TMEM178B: variants seen among roughly 807,000 people sequenced by gnomAD.
TMEM178B encodes transmembrane protein 178B.
A neutral mutation model predicts 31.0 loss-of-function variants in TMEM178B; 5 were observed. That is an observed-to-expected ratio of 0.16 (90% CI 0.08 to 0.34). The LOEUF (loss-of-function observed/expected upper bound fraction) is 0.34. Ranked by LOEUF, TMEM178B falls within the 10% of genes least tolerant of loss-of-function variation. The pLI, the probability that TMEM178B is intolerant of heterozygous loss-of-function variation, is 1.00. For missense variants in TMEM178B, 275 were observed against 400.3 expected (o/e 0.69, Z 2.67); for synonymous variants, 164 against 164.0 (o/e 1.00, Z 0.00).
intron 2 of TMEM178B, 45 bp downstream of exon 2, chr7:141,212,749 C>A: frequency 6.9e-7 from 1 of 1,457,270 alleles, no homozygotes; most frequent in South Asian, 1.2e-5. Flanking sequence ...GCTGTGAGGT[C>A]CCCTTTGGAG....
chr7:141,211,348 A>T (rs935727971), intron 1 of TMEM178B, among the ~76,000 whole-genome samples: 1 of 152,228 alleles, frequency 6.6e-6, no homozygotes, highest in Non-Finnish European at 1.5e-5. Flanking sequence ...AGTTGTCCAG[A>T]TATGATTTAC....
intron 1 of TMEM178B, among the ~76,000 whole-genome samples, chr7:141,194,000 G>A (rs1003239346): frequency 2.0e-5 from 3 of 152,262 alleles, no homozygotes; most frequent in African/African-American, 4.8e-5. Flanking sequence ...ATCAGATCTC[G>A]TGAGACATAT....
chr7:141,140,730 G>A (rs1795755410), intron 1 of TMEM178B, among the ~76,000 whole-genome samples: 1 of 152,154 alleles, frequency 6.6e-6, no homozygotes, highest in South Asian at 2.1e-4. Flanking sequence ...AGGAGTACTG[G>A]TCAGGGATAT....
chr7:141,104,799 T>G (rs776694471), intron 1 of TMEM178B, among the ~76,000 whole-genome samples: 6 of 152,160 alleles, frequency 3.9e-5, no homozygotes, highest in Admixed American at 1.3e-4. Flanking sequence ...GTGGTCTTCA[T>G]CTCCTCTTAT....
rs568915994 is a variant in TMEM178B at position 141,314,052 on chromosome 7, G to A, written c.496+101348G>A. Among the ~76,000 whole-genome samples the A allele has an allele frequency of 4.6e-5, 7 of 152,302 alleles. No individual in the cohort carries two copies. In the South Asian group the frequency reaches 6.2e-4, roughly 14 times the overall value. On this transcript the variant is annotated intron_variant, in intron 2 of 3. Transcript: ENST00000565468. ...ACTTTTGGCTGCCTGTGGCGCAGCC[G>A]TTTCAGCCTCTGCCTCGGCTGAGTA... is the stretch of plus-strand genomic sequence containing the variant.
At chr7:141,392,522 A>T (rs964501638) in intron 2 of TMEM178B, among the ~76,000 whole-genome samples, 2 of 152,160 alleles carry the variant, frequency 1.3e-5, no homozygotes, top group Non-Finnish European at 2.9e-5. Flanking sequence ...CCCTGCATAC[A>T]TCAGCATACC....
chr7:141,210,336 T>C (rs1797034084), intron 1 of TMEM178B, among the ~76,000 whole-genome samples: 1 of 152,102 alleles, frequency 6.6e-6, no homozygotes, highest in South Asian at 2.1e-4. Flanking sequence ...TGGTGGCACA[T>C]GCTTGTAATC....
At chr7:141,494,847 T>G in the TMEM178B span, among the ~76,000 whole-genome samples, 1 of 152,198 alleles carries the variant, frequency 6.6e-6, no homozygotes. Context: ...GCTGAGATAG[T>G]TATGGGTTAA....
At chr7:141,167,712 C>G (rs1796284877) in intron 1 of TMEM178B, among the ~76,000 whole-genome samples, 1 of 152,174 alleles carries the variant, frequency 6.6e-6, no homozygotes. Context: ...TAGGGCAGCT[C>G]TCTTCCTGAT....
At chr7:141,411,473 A>T (rs1374521006) in intron 2 of TMEM178B, among the ~76,000 whole-genome samples, 4 of 152,236 alleles carry the variant, frequency 2.6e-5, no homozygotes, top group African/African-American at 9.6e-5. Context: ...AACCACCATG[A>T]AAACATTTTT....
chr7:141,288,443 C>T (rs1214991815), intron 2 of TMEM178B, among the ~76,000 whole-genome samples: 2 of 150,130 alleles, frequency 1.3e-5, no homozygotes, highest in Admixed American at 6.6e-5. Context: ...TTAGCTTCTA[C>T]CTACAAAGAT....
intron 2 of TMEM178B, among the ~76,000 whole-genome samples, chr7:141,356,743 T>C (rs1357659355): frequency 2.6e-5 from 4 of 151,264 alleles, no homozygotes; most frequent in Admixed American, 6.6e-5. Flanking sequence ...CTCTTGGTCA[T>C]TGATCTGATT....
chr7:141,208,816 G>C (rs1047108581), intron 1 of TMEM178B, among the ~76,000 whole-genome samples: 28 of 152,256 alleles, frequency 1.8e-4, no homozygotes, highest in African/African-American at 6.3e-4. Context: ...GAGGCTGAGA[G>C]AATCTGACCT....
At chr7:141,265,987 G>A (rs1347203450) in intron 2 of TMEM178B, among the ~76,000 whole-genome samples, 6 of 152,150 alleles carry the variant, frequency 3.9e-5, no homozygotes, top group Admixed American at 2.0e-4. Flanking sequence ...CTGACTGAGG[G>A]ATCAGAGTCC....
chr7:141,400,969 G>C (rs547471439), intron 2 of TMEM178B, among the ~76,000 whole-genome samples: 47 of 152,294 alleles, frequency 3.1e-4, no homozygotes, highest in African/African-American at 1.1e-3. Flanking sequence ...CCAAAGGCCT[G>C]AGCATCTCCT....
intron 2 of TMEM178B, among the ~76,000 whole-genome samples, chr7:141,342,320 C>T (rs1221190696): frequency 1.3e-5 from 2 of 152,210 alleles, no homozygotes; most frequent in Non-Finnish European, 2.9e-5. Context: ...TTCTAACCTT[C>T]CCGATGTGGA....
the TMEM178B span, among the ~76,000 whole-genome samples, chr7:141,491,206 A>G: frequency 6.6e-6 from 1 of 151,512 alleles, no homozygotes; most frequent in Non-Finnish European, 1.5e-5. Context: ...TTTTGTTTTT[A>G]ATTTTTAGTA....
chr7:141,226,635 T>C (rs911934851), intron 2 of TMEM178B, among the ~76,000 whole-genome samples: 5 of 152,054 alleles, frequency 3.3e-5, no homozygotes, highest in African/African-American at 1.2e-4. Context: ...GGTGGATCAC[T>C]TGAGGCCAGG....
chr7:141,488,990 G>A, the TMEM178B span, among the ~76,000 whole-genome samples: 2 of 151,942 alleles, frequency 1.3e-5, no homozygotes, highest in East Asian at 1.9e-4. Flanking sequence ...GGAGGAGGAG[G>A]AGAAAGAAGT....
Sources: allele counts gnomAD v4.1 joint callset (sites outside exome capture counted in the v4.1 genomes callset), GRCh38; gene constraint gnomAD v4.1.1; transcripts MANE v1.5; gene names NCBI Gene and HGNC (gene_info 2026-07-23, HGNC 2026-07-21).